Variants in RNASE9 observed in about 807,000 individuals in gnomAD.
RNASE9 encodes inactive ribonuclease-like protein 9.
For missense variants in RNASE9, 263 were observed against 247.1 expected (o/e 1.06, Z -0.43); for synonymous variants, 95 against 87.6 (o/e 1.08, Z -0.47).
intron 1 of RNASE9, among the ~76,000 whole-genome samples, chr14:20,559,919 T>A (rs1027774278): frequency 1.3e-5 from 2 of 152,184 alleles, no homozygotes; most frequent in Admixed American, 1.3e-4. Context: ...TAAACTTGCT[T>A]GGAAGGTTTA....
At chr14:20,558,271 T>C in exon 3 of RNASE9, 1 of 558,644 alleles carries the variant, frequency 1.8e-6, no homozygotes, top group Non-Finnish European at 3.2e-6. Flanking sequence ...CTATCAGTGA[T>C]GGAGATGGAC....
chr14:20,558,623 G>A, exon 3 of RNASE9: 1 of 1,544,812 alleles, frequency 6.5e-7, no homozygotes, highest in African/African-American at 1.4e-5. Flanking sequence ...ACTCTCACAA[G>A]AACGCGGAGC....
intron 2 of RNASE9, among the ~76,000 whole-genome samples, chr14:20,558,927 A>G (rs975167539): frequency 2.0e-5 from 3 of 152,078 alleles, no homozygotes; most frequent in Non-Finnish European, 4.4e-5. Context: ...ATTTATTTTA[A>G]TAGATAGTAA....
At chr14:20,560,985 C>T (rs1164444300), upstream of RNASE9, 1 of 152,194 alleles carries the variant, frequency 6.6e-6, no homozygotes, top group Non-Finnish European at 1.5e-5. Flanking sequence ...CTCTCCCACT[C>T]TACTCTCCTT....
chr14:20,559,614 G>A (rs571601235), exon 2 of RNASE9: 11 of 152,298 alleles, frequency 7.2e-5, no homozygotes, highest in Admixed American at 1.3e-4. Flanking sequence ...TTTTTCCTCA[G>A]TTCTCACTAA....
chr14:20,558,482 G>T (rs555834790), exon 3 of RNASE9: 17 of 1,226,400 alleles, frequency 1.4e-5, no homozygotes, highest in Non-Finnish European at 1.9e-5. Context: ...CTCTGGGGCG[G>T]CCATGTGCCA....
At chr14:20,556,654 C>T (rs1341734840) in exon 3 of RNASE9, 4 of 1,612,904 alleles carry the variant, frequency 2.5e-6, no homozygotes, top group Non-Finnish European at 3.4e-6. Flanking sequence ...ACAATACACT[C>T]CTTCTACAAG....
rs1883685574 is a variant in RNASE9, at chr14:20,556,384, C to T, written c.*68G>A. On this transcript the variant is annotated 3_prime_UTR_variant, in exon 3 of 3. Transcript: ENST00000555230. ...ATGGAAGCAAAATTACCATTCTCAA[C>T]TTTGATCTATAAGGATCAGTATGGA... 3.4e-6 allele frequency: 4 copies of T among 1,183,862 alleles called. No individual in the cohort carries two copies. The Admixed American group carries it at 6.8e-5, about 20-fold the overall frequency. The allele number at this position is 1,183,862 out of a possible 1,614,324, so 73.3% of individuals were successfully genotyped here. A position where few individuals can be genotyped will look rare whatever the true frequency, so the allele number is the denominator to read the frequency against.
intron 1 of RNASE9, 126 bp from the exon 2 acceptor site, chr14:20,559,759 A>G (rs530090555): frequency 1.3e-5 from 2 of 152,304 alleles, no homozygotes; most frequent in South Asian, 2.1e-4. Context: ...ACATCCTAAA[A>G]CAGTAGGGAA....
intron 2 of RNASE9, 91 bp downstream of exon 2, chr14:20,559,491 A>T (rs1883866031): frequency 6.6e-6 from 1 of 152,074 alleles, no homozygotes; most frequent in Non-Finnish European, 1.5e-5. Context: ...GGGAGGGAGA[A>T]CACAGAATAA....
exon 3 of RNASE9, chr14:20,557,055 G>T: frequency 6.2e-7 from 1 of 1,605,818 alleles, no homozygotes; most frequent in Non-Finnish European, 8.5e-7. Flanking sequence ...GTGTGGTGAT[G>T]AGAGTTCTCA....
chr14:20,560,562 TGGGAAA>T (rs1278849965), intron 1 of RNASE9, among the ~76,000 whole-genome samples: 2 of 151,738 alleles, frequency 1.3e-5, no homozygotes, highest in Non-Finnish European at 1.5e-5. Flanking sequence ...TCCAAAAATG[TGGGAAA>T]GGGAAAGGTT....
At chr14:20,557,249 A>G (rs898588465) in exon 3 of RNASE9, 19 of 644,558 alleles carry the variant, frequency 2.9e-5, no homozygotes, top group Middle Eastern at 3.7e-4. Flanking sequence ...TATTGACAAA[A>G]ATGACCTTAC....
At chr14:20,556,427 C>T (rs773668956) in exon 3 of RNASE9, 2 of 1,518,804 alleles carry the variant, frequency 1.3e-6, no homozygotes, top group Admixed American at 1.8e-5. Flanking sequence ...ATTCCTCCCA[C>T]CCTAAGCTCT....
chr14:20,557,166 T>G, exon 3 of RNASE9: 3 of 1,314,656 alleles, frequency 2.3e-6, no homozygotes, highest in African/African-American at 1.5e-5. Flanking sequence ...TGCCACATGT[T>G]GCTGTTCTGG....
chr14:20,557,847 G>A (rs1202421434), exon 3 of RNASE9: 1 of 152,736 alleles, frequency 6.5e-6, no homozygotes, highest in African/African-American at 2.4e-5. Flanking sequence ...AACAATGAAA[G>A]TTGCAAAAAG....
Position 20,558,052 on chromosome 14 carries a change from A to G in RNASE9, c.-983T>C, listed in dbSNP as rs142812442. 352 of 209,422 alleles carry G rather than the reference A, an allele frequency of 1.7e-3. 5 individuals are homozygous for G. Among genetic ancestry groups the G allele is most frequent in the South Asian group, 0.014 (159 of 11,254 alleles). 13.0% of individuals were successfully genotyped at this position (209,422 alleles called of 1,614,324 possible). The stretch of plus-strand genomic sequence containing the variant: ...TATCTCTCTCTCTAGGCTGTCAAAC[A>G]CAATGACTACTGAAATGGCCAGTGC... On this transcript the variant is annotated 5_prime_UTR_variant, in exon 3 of 3. Transcript: ENST00000555230.
In RNASE9 at chr14:20,557,761, G is replaced by A. The variant is rs549215554; in HGVS notation, c.-692C>T. On this transcript the variant is annotated 5_prime_UTR_variant, in exon 3 of 3. Transcript: ENST00000555230. ...AGTTAAGTGCCAAGCACTAGACTAA[G>A]CACTCTAAGTACATTATCACCATCA... 5 of 152,752 alleles carry A rather than the reference G, an allele frequency of 3.3e-5. No individual in the cohort carries two copies. The East Asian group carries it at 9.6e-4, about 29-fold the overall frequency. 9.5% of individuals were successfully genotyped at this position (152,752 alleles called of 1,614,324 possible).
chr14:20,556,870 CT>C lies in RNASE9; in HGVS notation c.199del (p.Arg67AspfsTer11). ...CATTCCAGGTTCAATAAGGACACGT[CT>C]TTTGACTTTTTCTTTGGTAGGTGGT... On this transcript the variant is annotated frameshift_variant, in exon 3 of 3. Coordinates refer to ENST00000555230, the Ensembl canonical transcript of RNASE9. LOFTEE classifies it low-confidence loss of function (END_TRUNC). The C allele has an allele frequency of 6.2e-7, 1 of 1,614,166 alleles. No individual in the cohort carries two copies. The highest frequency in any genetic ancestry group is 8.5e-7 in the Non-Finnish European group (1 of 1,179,994).
Sources: gnomAD v4.1 joint callset for allele counts (sites outside exome capture counted in the v4.1 genomes callset) on GRCh38, gnomAD v4.1.1 for gene constraint, MANE v1.5 for transcripts, NCBI Gene and HGNC (gene_info 2026-07-23, HGNC 2026-07-21) for gene names.